BRDT: variants seen among roughly 807,000 people sequenced by gnomAD.
BRDT encodes bromodomain testis-specific protein.
In BRDT, 77 loss-of-function variants were observed where a neutral mutation model predicts 113.9. The observed-to-expected ratio is 0.68, with a 90% CI of 0.56 to 0.82. The LOEUF is 0.82. Ranked by LOEUF, BRDT falls within the 40% of genes least tolerant of loss-of-function variation. BRDT has a pLI of 0.00. For missense variants in BRDT, 1,027 were observed against 1,105.4 expected (o/e 0.93, Z 1.01); for synonymous variants, 358 against 366.5 (o/e 0.98, Z 0.26).
intron 18 of BRDT, among the ~76,000 whole-genome samples, chr1:92,009,674 C>A (rs563099864): frequency 6.6e-6 from 1 of 151,818 alleles, no homozygotes; most frequent in South Asian, 2.1e-4. Context: ...CCCAACCCCC[C>A]AGTAGCTGGG....
intron 18 of BRDT, 144 bp downstream of exon 18, chr1:92,005,443 T>C: frequency 1.4e-6 from 1 of 709,006 alleles, no homozygotes; most frequent in Non-Finnish European, 2.0e-6. Context: ...GGTTCTAAAA[T>C]TAAAGCTTAA....
In BRDT at chr1:91,968,280, C is replaced by T. The variant is rs963628905; in HGVS notation, c.445+20C>T. The T allele has an allele frequency of 4.3e-6, 7 of 1,610,378 alleles. No individual in the cohort carries two copies. Among genetic ancestry groups the T allele is most frequent in the African/African-American group, 1.3e-5 (1 of 74,790 alleles). ...AGAAAGGTAAGGCAGGAGGTAAACA[C>T]TTTATGGTTCTCTCTCTTTTTTTCC... On this transcript the variant is annotated intron_variant, in intron 4 of 18. Transcript: ENST00000399546.
At chr1:91,976,562 T>C in intron 5 of BRDT, 124 bp downstream of exon 5, 2 of 929,618 alleles carry the variant, frequency 2.2e-6, no homozygotes, top group South Asian at 2.1e-5. Flanking sequence ...CATCTAGCAA[T>C]CTGAAATAAT....
intron 18 of BRDT, among the ~76,000 whole-genome samples, chr1:92,009,761 A>G (rs1687643627): frequency 6.6e-6 from 1 of 151,602 alleles, no homozygotes; most frequent in South Asian, 2.1e-4. Flanking sequence ...TGTAGAGACA[A>G]AGTCTCACTG....
chr1:91,956,309 C>T (rs1039390496), intron 1 of BRDT, among the ~76,000 whole-genome samples: 4 of 1,880 alleles, frequency 2.1e-3, no homozygotes, highest in Non-Finnish European at 5.3e-3. Context: ...TTCTTCCTGC[C>T]CCCCCCCACC....
chr1:91,965,762 G>A (rs531673281), intron 3 of BRDT, among the ~76,000 whole-genome samples: 45 of 152,088 alleles, frequency 3.0e-4, no homozygotes, highest in Middle Eastern at 6.8e-3. Flanking sequence ...CAGGAGAATC[G>A]CTTCAGCCCA....
rs1344267588 is a variant in BRDT, at chr1:91,978,258, C to G, written c.1060C>G (p.Pro354Ala). 6.2e-7 allele frequency: 1 copy of G among 1,614,068 alleles called. No individual in the cohort carries two copies. The highest frequency in any genetic ancestry group is 8.5e-7 in the Non-Finnish European group (1 of 1,179,990). The stretch of plus-strand genomic sequence containing the variant: ...CATGAATTGCTACAAGTACAATCCT[C>G]CAGATCACGAAGTTGTGACAATGGC... ...MFMNCYKYNP[P>A]DHEVVTMARM... Residue 354 changes from proline to alanine, a missense_variant, in exon 7 of 19, where the codon CCA becomes GCA. By Grantham distance (27) the Pro-to-Ala change is conservative. Transcript: ENST00000399546.
chr1:91,978,333 C>G, intron 7 of BRDT, 37 bp downstream of exon 7: 1 of 1,608,320 alleles, frequency 6.2e-7, no homozygotes, highest in Non-Finnish European at 8.5e-7. Context: ...TGTTTTTCCT[C>G]TGAACATAGT....
chr1:91,994,111 C>T lies in BRDT; in HGVS notation c.2144C>T (p.Ser715Phe). 1.2e-5 allele frequency: 19 copies of T among 1,611,248 alleles called. No individual in the cohort carries two copies. Among genetic ancestry groups the T allele is most frequent in the Non-Finnish European group, 1.6e-5 (19 of 1,179,186 alleles). ...GGATATTGTGTGCAAGACACAACCT[C>T]TGCCAATACTACCCTTGTTCATCAG... Reference protein sequence around the residue: ...QIGYCVQDTTSANTTLVHQTT... With the variant: ...QIGYCVQDTTFANTTLVHQTT... Residue 715 changes from serine (S) to phenylalanine (F), a missense_variant, in exon 15 of 19, where the codon TCT becomes TTT. By Grantham distance (155) the Ser-to-Phe change is radical. Transcript: ENST00000399546.
chr1:91,978,729 G>A (rs1684392603), intron 7 of BRDT, among the ~76,000 whole-genome samples: 2 of 152,036 alleles, frequency 1.3e-5, no homozygotes, highest in African/African-American at 2.4e-5. Flanking sequence ...GGCCCGGCGC[G>A]GTGGCTCACG....
At chr1:91,986,668 T>C (rs1012932777) in intron 12 of BRDT, among the ~76,000 whole-genome samples, 4 of 152,210 alleles carry the variant, frequency 2.6e-5, no homozygotes, top group African/African-American at 9.6e-5. Context: ...ACTTTCTTAG[T>C]TATGGGTGAC....
At chr1:91,967,781 C>T (rs900349053) in intron 3 of BRDT, among the ~76,000 whole-genome samples, 1 of 152,186 alleles carries the variant, frequency 6.6e-6, no homozygotes, top group Non-Finnish European at 1.5e-5. Context: ...GATCTACCCC[C>T]GCCAGCCTCC....
intron 4 of BRDT, among the ~76,000 whole-genome samples, chr1:91,975,662 T>G (rs891147699): frequency 3.9e-5 from 6 of 152,212 alleles, no homozygotes; most frequent in Non-Finnish European, 8.8e-5. Context: ...GTTTTTGTTG[T>G]GAACAATTAG....
chr1:91,982,057 AAAT>A (rs1281467855), intron 12 of BRDT, among the ~76,000 whole-genome samples: 2 of 152,206 alleles, frequency 1.3e-5, no homozygotes, highest in East Asian at 3.8e-4. Context: ...TCAGATAATA[AAAT>A]AATGACCTTT....
In BRDT at chr1:91,977,375, G is replaced by C. The variant is rs1034418211; in HGVS notation, c.951G>C (p.Met317Ile). Reference protein sequence around the residue: ...HNYYDVVKNPMDLGTIKEKMD... With the variant: ...HNYYDVVKNPIDLGTIKEKMD... ...ACTATGACGTTGTCAAAAATCCGATGGATCTTGGAACTATTAAGGTAAATG... is the reference window on the plus strand; with the variant it reads ...ACTATGACGTTGTCAAAAATCCGATCGATCTTGGAACTATTAAGGTAAATG... Residue 317 changes from methionine to isoleucine, a missense_variant, in exon 6 of 19, where the codon ATG becomes ATC. Physicochemically the swap from Met to Ile is conservative, Grantham distance 10. Coordinates refer to ENST00000399546, the MANE Select transcript of BRDT (RefSeq NM_207189.4). 1 of 1,586,502 alleles carries C rather than the reference G, an allele frequency of 6.3e-7. No individual in the cohort carries two copies. The highest frequency in any genetic ancestry group is 8.6e-7 in the Non-Finnish European group (1 of 1,168,094).
chr1:91,953,516 C>G (rs1033540640), intron 1 of BRDT, among the ~76,000 whole-genome samples: 1 of 151,904 alleles, frequency 6.6e-6, no homozygotes, highest in Non-Finnish European at 1.5e-5. Context: ...CCCGTCTCTA[C>G]TAAAAATACA....
intron 4 of BRDT, among the ~76,000 whole-genome samples, chr1:91,975,966 C>G (rs1207889158): frequency 6.6e-6 from 1 of 152,160 alleles, no homozygotes; most frequent in African/African-American, 2.4e-5. Context: ...GAAATTTTTG[C>G]TCATGTTCAT....
intron 1 of BRDT, among the ~76,000 whole-genome samples, chr1:91,952,526 A>G (rs1156986700): frequency 3.4e-5 from 5 of 146,674 alleles, no homozygotes; most frequent in Admixed American, 7.1e-5. Flanking sequence ...GATTGAGGCC[A>G]TAAGAAAATG....
intron 16 of BRDT, among the ~76,000 whole-genome samples, chr1:92,002,530 A>AT (rs1053647882): frequency 2.6e-5 from 4 of 151,926 alleles, no homozygotes; most frequent in African/African-American, 4.8e-5. Flanking sequence ...TGCCCAGCTA[A>AT]TTTTTTGTAT....
Sources: gnomAD v4.1 joint callset for allele counts (sites outside exome capture counted in the v4.1 genomes callset) on GRCh38, gnomAD v4.1.1 for gene constraint, MANE v1.5 for transcripts, NCBI Gene and HGNC (gene_info 2026-07-23, HGNC 2026-07-21) for gene names.